SYNE1: variants seen among roughly 807,000 people sequenced by gnomAD.
SYNE1 encodes the protein spectrin repeat containing nuclear envelope protein 1, also known as nesprin-1.
SYNE1 carries 616 observed loss-of-function variants against 1,111.0 expected under a neutral mutation model. That is an observed-to-expected ratio of 0.55 (90% CI 0.52 to 0.59). The LOEUF (loss-of-function observed/expected upper bound fraction) is 0.59. Ranked by LOEUF, SYNE1 falls within the 20% of genes least tolerant of loss-of-function variation. The pLI is 0.00. For synonymous variants in SYNE1, 3,855 were observed against 3,825.8 expected, an observed-to-expected ratio of 1.01 and a Z score of -0.28; for missense variants, 10,006 against 10,417.0, an observed-to-expected ratio of 0.96 and a Z score of 1.72.
chr6:152,170,690 A>G (rs532877179), intron 130 of SYNE1, among the ~76,000 whole-genome samples: 2 of 152,286 alleles, frequency 1.3e-5, no homozygotes, highest in African/African-American at 4.8e-5. Context: ...GCTGCTAGGA[A>G]CTTCACAAAG....
In SYNE1 at chr6:152,342,377, A is replaced by G. The variant is rs2096551033; in HGVS notation, c.12225+1704T>C. The stretch of plus-strand genomic sequence containing the variant: ...ACAAGGTGGCTTGTGGGTCAAGGAA[A>G]CTCACAGTCTAATAAAAAAGTAGAA... On this transcript the variant is annotated intron_variant, in intron 74 of 145. Coordinates refer to ENST00000367255, the MANE Select transcript of SYNE1 (RefSeq NM_182961.4). Among the ~76,000 whole-genome samples, 3 of 152,318 alleles carry G rather than the reference A, an allele frequency of 2.0e-5. No homozygotes were observed. The South Asian group carries it at 6.2e-4, about 32-fold the overall frequency.
At chr6:152,333,609 A>C (rs2096302065) in intron 77 of SYNE1, among the ~76,000 whole-genome samples, 1 of 152,102 alleles carries the variant, frequency 6.6e-6, no homozygotes, top group Admixed American at 6.6e-5. Context: ...AATAATAATA[A>C]ACAATAGATG....
At chr6:152,520,830 T>C (rs899364815) in intron 5 of SYNE1, among the ~76,000 whole-genome samples, 2 of 152,212 alleles carry the variant, frequency 1.3e-5, no homozygotes, top group Non-Finnish European at 2.9e-5. Flanking sequence ...CTGAGACCTC[T>C]GTTAGACACG....
intron 10 of SYNE1, among the ~76,000 whole-genome samples, chr6:152,501,714 G>A (rs1214294550): frequency 4.1e-5 from 6 of 148,014 alleles, no homozygotes; most frequent in Admixed American, 1.4e-4. Context: ...CAGCCTGGGC[G>A]AAAGAGCAAG....
intron 40 of SYNE1, among the ~76,000 whole-genome samples, chr6:152,418,730 T>C (rs1389141816): frequency 2.0e-5 from 3 of 152,138 alleles, no homozygotes; most frequent in Non-Finnish European, 1.5e-5. Flanking sequence ...AGAAGAAATA[T>C]AATCATCAAC....
intron 10 of SYNE1, 23 bp from the exon 11 acceptor site, chr6:152,498,815 T>C (rs772828484): frequency 7.4e-7 from 1 of 1,344,942 alleles, no homozygotes; most frequent in Non-Finnish European, 1.0e-6. Context: ...AAAGATAATA[T>C]ATAGAAATAT....
At chr6:152,128,278 T>A (rs2054222009) in intron 145 of SYNE1, 1 of 152,228 alleles carries the variant, frequency 6.6e-6, no homozygotes, top group Non-Finnish European at 1.5e-5. Flanking sequence ...AATATGGTTA[T>A]TATGAATGTA....
At chr6:152,566,258 C>G (rs1427268749) in intron 3 of SYNE1, among the ~76,000 whole-genome samples, 1 of 152,100 alleles carries the variant, frequency 6.6e-6, no homozygotes, top group Non-Finnish European at 1.5e-5. Context: ...CAAGGTAACA[C>G]AGAGATGCTG....
At chr6:152,215,276 T>C (rs1357689076) in intron 121 of SYNE1, among the ~76,000 whole-genome samples, 2 of 152,198 alleles carry the variant, frequency 1.3e-5, no homozygotes, top group Non-Finnish European at 2.9e-5. Flanking sequence ...CTATTGCTAC[T>C]CAAGCTACTC....
intron 98 of SYNE1, among the ~76,000 whole-genome samples, chr6:152,270,026 C>T (rs1398211178): frequency 6.6e-6 from 1 of 152,156 alleles, no homozygotes; most frequent in African/African-American, 2.4e-5. Context: ...TCACCTCCAC[C>T]ACAGTAACTC....
intron 30 of SYNE1, among the ~76,000 whole-genome samples, chr6:152,443,935 G>A (rs1296049029): frequency 6.6e-6 from 1 of 152,152 alleles, no homozygotes; most frequent in African/African-American, 2.4e-5. Context: ...TTATAAGAGT[G>A]TACACTCCAG....
intron 16 of SYNE1, among the ~76,000 whole-genome samples, chr6:152,466,749 A>G (rs1296079362): frequency 1.3e-5 from 2 of 152,084 alleles, no homozygotes; most frequent in Non-Finnish European, 2.9e-5. Flanking sequence ...ATTATTGTTC[A>G]TTTTTAGGAA....
At chr6:152,308,698 A>C in intron 90 of SYNE1, 66 bp from the exon 91 acceptor site, 2 of 1,539,538 alleles carry the variant, frequency 1.3e-6, no homozygotes, top group Non-Finnish European at 1.8e-6. Context: ...TAGGTAAGTG[A>C]TTCTGTAGTT....
intron 72 of SYNE1, among the ~76,000 whole-genome samples, chr6:152,347,978 C>T (rs879656481): frequency 3.3e-5 from 5 of 151,886 alleles, no homozygotes; most frequent in Non-Finnish European, 7.4e-5. Context: ...GTGTGAGCCA[C>T]CACGCCCGGC....
In SYNE1 at chr6:152,330,592, C is replaced by A. The variant is rs773140427; in HGVS notation, c.14093G>T (p.Ser4698Ile). Residue 4698 changes from serine (S) to isoleucine (I), a missense_variant, in exon 78 of 146, where the codon AGC (serine) becomes ATC (isoleucine). Physicochemically the swap from Ser to Ile is moderately radical, Grantham distance 142. Transcript: ENST00000367255. ...AACGGCCAGGTCGGTGGGAACTTTG[C>A]TCATCCTCAAGAATTGGGCTTCAAG... ...SELEAQFLRM[S>I]KVPTDLAVEE... The A allele has an allele frequency of 1.9e-6, 3 of 1,613,640 alleles. No individual in the cohort carries two copies. Among genetic ancestry groups the A allele is most frequent in the East Asian group, 4.5e-5 (2 of 44,874 alleles).
chr6:152,244,731 C>CT (rs2086664400), intron 105 of SYNE1, 75 bp from the exon 106 acceptor site: 1 of 1,580,256 alleles, frequency 6.3e-7, no homozygotes, highest in Admixed American at 1.7e-5. Flanking sequence ...TATTGTATCT[C>CT]TTTCTGTGTT....
At chr6:152,498,553 A>C (rs1232920470) in intron 11 of SYNE1, among the ~76,000 whole-genome samples, 189 bp downstream of exon 11, 10 of 152,190 alleles carry the variant, frequency 6.6e-5, no homozygotes, top group Non-Finnish European at 1.2e-4. Flanking sequence ...AGTAGCTTAG[A>C]CTATCACTAA....
In SYNE1 at chr6:152,444,339, C is replaced by A. The variant is rs551267360; in HGVS notation, c.3837+72G>T. On this transcript the variant is annotated intron_variant, in intron 30 of 145. Coordinates refer to ENST00000367255, the MANE Select transcript of SYNE1 (RefSeq NM_182961.4). ...ACTCTCTCAAGCCAGTGGTTGTATT[C>A]TTTATCTCTCTGGTTCTTTCAGTAG... 43 of 1,550,344 alleles carry A rather than the reference C, an allele frequency of 2.8e-5. No individual in the cohort carries two copies. In the African/African-American group the frequency reaches 5.3e-4, roughly 19 times the overall value.
At chr6:152,175,011 T>C (rs2813505) in intron 130 of SYNE1, among the ~76,000 whole-genome samples, 25,479 of 152,056 alleles carry the variant, frequency 0.17, 3,571 homozygotes, top group African/African-American at 0.37. Context: ...CTGGCAAACA[T>C]GGTGAAACCC....
Sources: allele counts gnomAD v4.1 joint callset (sites outside exome capture counted in the v4.1 genomes callset), GRCh38; gene constraint gnomAD v4.1.1; transcripts MANE v1.5; gene names NCBI Gene and HGNC (gene_info 2026-07-23, HGNC 2026-07-21).